ANXA8: variants seen among roughly 807,000 people sequenced by gnomAD.
The protein encoded by ANXA8 is VAC-beta.
Under a neutral mutation model 26.8 loss-of-function variants are expected in ANXA8, and 9 were observed. The observed-to-expected ratio is 0.34, with a 90% CI of 0.20 to 0.59. The LOEUF (loss-of-function observed/expected upper bound fraction) is 0.59. ANXA8 is among the 20% of genes least tolerant of loss of function. The pLI is 0.84. For synonymous variants in ANXA8, 39 were observed against 94.8 expected (o/e 0.41, Z 3.42); for missense variants, 83 against 238.5 (o/e 0.35, Z 4.29).
At chr10:47,685,479 A>G in the ANXA8 span, among the ~76,000 whole-genome samples, 7 of 151,674 alleles carry the variant, frequency 4.6e-5, no homozygotes, top group South Asian at 2.1e-4. Context: ...TCATCCCTTT[A>G]TGCTCTACTA....
chr10:47,535,176 G>A, the ANXA8 span, among the ~76,000 whole-genome samples: 1 of 133,074 alleles, frequency 7.5e-6, no homozygotes, highest in African/African-American at 3.3e-5. Context: ...GTTTCACCAT[G>A]TTGGCCAGGC....
At chr10:47,756,592 G>A in the ANXA8 span, among the ~76,000 whole-genome samples, 8 of 150,534 alleles carry the variant, frequency 5.3e-5, no homozygotes, top group African/African-American at 1.9e-4. Context: ...GCTAAGATTT[G>A]GTGGGTGAGG....
chr10:47,681,419 G>T, the ANXA8 span, among the ~76,000 whole-genome samples: 2 of 150,512 alleles, frequency 1.3e-5, no homozygotes, highest in Non-Finnish European at 3.0e-5. Context: ...TTTGTGGGAG[G>T]TGGGTGGAGA....
chr10:47,928,713 T>C, the ANXA8 span, among the ~76,000 whole-genome samples: 1 of 101,724 alleles, frequency 9.8e-6, no homozygotes, highest in Non-Finnish European at 2.1e-5. Context: ...TGCACAAAAC[T>C]CCTCCAGAGA....
At chr10:47,975,540 C>T in the ANXA8 span, among the ~76,000 whole-genome samples, 1 of 149,696 alleles carries the variant, frequency 6.7e-6, no homozygotes, top group Non-Finnish European at 1.5e-5. Context: ...ATGGACTTTG[C>T]AGTTGGCCAT....
chr10:47,481,176 C>A (rs1160363130), intron 1 of ANXA8, among the ~76,000 whole-genome samples: 2 of 82,806 alleles, frequency 2.4e-5, no homozygotes, highest in African/African-American at 8.9e-5. Context: ...ATATCCCTTG[C>A]TTGTGGAGTC....
At chr10:47,763,939 C>T in the ANXA8 span, among the ~76,000 whole-genome samples, 2 of 152,142 alleles carry the variant, frequency 1.3e-5, no homozygotes, top group South Asian at 4.1e-4. Flanking sequence ...AGTCAGTGTG[C>T]GTGAGGCTCC....
chr10:47,755,368 G>A, the ANXA8 span, among the ~76,000 whole-genome samples: 2 of 152,134 alleles, frequency 1.3e-5, no homozygotes, highest in Non-Finnish European at 2.9e-5. Flanking sequence ...CCATTCTCCT[G>A]CCTCAGCCTC....
At chr10:47,487,760 G>C (rs1451401228), upstream of ANXA8, among the ~76,000 whole-genome samples, 4 of 144,200 alleles carry the variant, frequency 2.8e-5, no homozygotes, top group African/African-American at 1.0e-4. Flanking sequence ...TTTTCTTTTG[G>C]CTTGGTTTAT....
chr10:47,942,361 A>G, the ANXA8 span, among the ~76,000 whole-genome samples: 2 of 144,292 alleles, frequency 1.4e-5, no homozygotes, highest in Admixed American at 6.9e-5. Context: ...CTTTTGCAAA[A>G]TTGCTTTCCT....
the ANXA8 span, among the ~76,000 whole-genome samples, chr10:47,545,899 T>C: frequency 6.3e-5 from 2 of 31,948 alleles, no homozygotes; most frequent in Non-Finnish European, 1.3e-4. Flanking sequence ...CTAAATCAAA[T>C]GACTACACAG....
At chr10:47,708,344 A>AAAAT in the ANXA8 span, among the ~76,000 whole-genome samples, 38 of 136,854 alleles carry the variant, frequency 2.8e-4, no homozygotes, top group South Asian at 1.5e-3. Context: ...TTGTCTCAAA[A>AAAAT]AAATAAATAA....
chr10:47,715,611 T>A, the ANXA8 span: 1 of 1,548,782 alleles, frequency 6.5e-7, no homozygotes, highest in African/African-American at 1.4e-5. Flanking sequence ...AGATTTTTTT[T>A]CCTTTTTGGT....
chr10:47,974,512 A>T, the ANXA8 span, among the ~76,000 whole-genome samples: 3 of 146,024 alleles, frequency 2.1e-5, no homozygotes, highest in African/African-American at 4.9e-5. Context: ...GATTGTTTTA[A>T]CTTCTTGGTG....
intron 1 of ANXA8, among the ~76,000 whole-genome samples, chr10:47,483,046 G>A (rs1211645904): frequency 6.6e-6 from 1 of 150,662 alleles, no homozygotes; most frequent in Non-Finnish European, 1.5e-5. Flanking sequence ...AGAGCCGGCA[G>A]CCGGGAGATG....
At chr10:47,553,492 C>CT in the ANXA8 span, 1 of 160,678 alleles carries the variant, frequency 6.2e-6, no homozygotes, top group Admixed American at 6.5e-5. Flanking sequence ...TTCACAACTG[C>CT]GACTCCTTAG....
the ANXA8 span, among the ~76,000 whole-genome samples, chr10:47,950,658 A>G: frequency 6.6e-6 from 1 of 150,638 alleles, no homozygotes; most frequent in Non-Finnish European, 1.5e-5. Context: ...GAACTAAAAT[A>G]GAAGTTAATA....
the ANXA8 span, among the ~76,000 whole-genome samples, chr10:47,560,978 A>AT: frequency 5.3e-5 from 8 of 150,460 alleles, no homozygotes; most frequent in Non-Finnish European, 7.4e-5. Flanking sequence ...ACCCAACTCA[A>AT]TTTTTTTTAA....
chr10:47,678,760 G>A, the ANXA8 span, among the ~76,000 whole-genome samples: 34 of 151,578 alleles, frequency 2.2e-4, no homozygotes, highest in African/African-American at 8.0e-4. Flanking sequence ...GCGTCTGGGT[G>A]GCCAGGTGGG....
Sources: allele counts gnomAD v4.1 joint callset (sites outside exome capture counted in the v4.1 genomes callset), GRCh38; gene constraint gnomAD v4.1.1; transcripts MANE v1.5; gene names NCBI Gene and HGNC (gene_info 2026-07-23, HGNC 2026-07-21).